Variants in SEMA3C observed in about 807,000 individuals in gnomAD.
SEMA3C encodes the protein semaphorin 3C, also known as semaphorin-3C.
SEMA3C carries 47 observed loss-of-function variants against 89.4 expected under a neutral mutation model. That is an observed-to-expected ratio of 0.53 (90% CI 0.42 to 0.67). The LOEUF is 0.67. SEMA3C is among the 30% of genes least tolerant of loss of function. The pLI is 0.00. For missense variants in SEMA3C, 839 were observed against 929.1 expected (o/e 0.90, Z 1.26); for synonymous variants, 310 against 320.2 (o/e 0.97, Z 0.34).
intron 2 of SEMA3C, among the ~76,000 whole-genome samples, chr7:80,843,605 A>G (rs1341110101): frequency 6.6e-6 from 1 of 152,212 alleles, no homozygotes; most frequent in East Asian, 1.9e-4. Context: ...GGAGCATAAT[A>G]GCTATCACTC....
chr7:80,768,405 G>A lies in SEMA3C; in HGVS notation c.1355-3162C>T, dbSNP rs565287892. Among the ~76,000 whole-genome samples, 37 of 152,020 alleles carry A rather than the reference G, an allele frequency of 2.4e-4. 2 individuals carry two copies. In the South Asian group the frequency reaches 6.2e-3, roughly 26 times the overall value. On this transcript the variant is annotated intron_variant, in intron 12 of 17. Coordinates refer to ENST00000265361, the MANE Select transcript of SEMA3C (RefSeq NM_006379.5). The stretch of plus-strand genomic sequence containing the variant: ...GGCAGGCGCCTGTAGTCCTAGCTAC[G>A]CGGGAGGCTGAGGCAGGAGAATGGT...
At chr7:80,871,811 C>T in intron 2 of SEMA3C, among the ~76,000 whole-genome samples, 1 of 152,094 alleles carries the variant, frequency 6.6e-6, no homozygotes, top group Non-Finnish European at 1.5e-5. Flanking sequence ...AAATTGAGTA[C>T]CTCAAAGAAC....
At chr7:80,896,026 T>G (rs1791727924) in intron 2 of SEMA3C, among the ~76,000 whole-genome samples, 2 of 152,010 alleles carry the variant, frequency 1.3e-5, no homozygotes. Flanking sequence ...GTAATGTGAA[T>G]GAGAGTTGTG....
intron 2 of SEMA3C, among the ~76,000 whole-genome samples, chr7:80,831,159 TACAC>T (rs1213080428): frequency 6.6e-6 from 1 of 152,202 alleles, no homozygotes; most frequent in African/African-American, 2.4e-5. Flanking sequence ...TGGAGTGACA[TACAC>T]AGACTAGCGC....
At chr7:80,757,284 T>C (rs17147989) in intron 15 of SEMA3C, among the ~76,000 whole-genome samples, 42,839 of 152,178 alleles carry the variant, frequency 0.28, 9,483 homozygotes, top group African/African-American at 0.61. Context: ...CATCATGACC[T>C]ATGTCACTGT....
chr7:80,892,719 C>T (rs186352746), intron 2 of SEMA3C, among the ~76,000 whole-genome samples: 158 of 152,202 alleles, frequency 1.0e-3, no homozygotes, highest in African/African-American at 3.5e-3. Context: ...TCTAGAAATT[C>T]AGGCGTAAGT....
intron 2 of SEMA3C, among the ~76,000 whole-genome samples, chr7:80,835,765 A>C (rs1014889494): frequency 2.6e-5 from 4 of 152,164 alleles, no homozygotes; most frequent in African/African-American, 9.7e-5. Context: ...CAAGTGTTCT[A>C]GGTGCTTTAT....
At chr7:80,898,990 G>A (rs1357182350) in intron 2 of SEMA3C, among the ~76,000 whole-genome samples, 1 of 152,114 alleles carries the variant, frequency 6.6e-6, no homozygotes, top group East Asian at 1.9e-4. Context: ...ATGAAGTAAT[G>A]CTATTGTTGA....
At chr7:80,781,381 C>T (rs765745674) in intron 12 of SEMA3C, among the ~76,000 whole-genome samples, 20 of 152,332 alleles carry the variant, frequency 1.3e-4, no homozygotes, top group Admixed American at 6.5e-4. Context: ...GCAACACATA[C>T]GACTCTAATA....
In SEMA3C at chr7:80,828,653, T is replaced by A. The variant is rs1396117084; in HGVS notation, c.196A>T (p.Ile66Leu). Residue 66 changes from isoleucine to leucine, a missense_variant, in exon 3 of 18, where the codon ATA becomes TTA. Ile to Leu is a conservative substitution (Grantham distance 5). Transcript: ENST00000265361. ...ILLMDEDQDRIYVGSKDHILS... is the reference protein window; with the variant it reads ...ILLMDEDQDRLYVGSKDHILS... ...ATGTGATCTTTGCTTCCCACATATA[T>A]CCGGTCCTGATCTTCATCCATTAAT... 1 of 1,612,350 alleles carries A rather than the reference T, an allele frequency of 6.2e-7. No homozygotes were observed. Among genetic ancestry groups the A allele is most frequent in the Non-Finnish European group, 8.5e-7 (1 of 1,178,758 alleles).
At chr7:80,774,577 T>G (rs1326940664) in intron 12 of SEMA3C, among the ~76,000 whole-genome samples, 1 of 151,920 alleles carries the variant, frequency 6.6e-6, no homozygotes. Flanking sequence ...AGAAATAAAA[T>G]ATTAACTCCA....
intron 11 of SEMA3C, among the ~76,000 whole-genome samples, chr7:80,791,981 A>G (rs1788950846): frequency 6.6e-6 from 1 of 152,184 alleles, no homozygotes. Context: ...CAGATCTGAT[A>G]AATATAGTTC....
chr7:80,870,515 T>C (rs1324213114), intron 2 of SEMA3C, among the ~76,000 whole-genome samples: 1 of 152,208 alleles, frequency 6.6e-6, no homozygotes, highest in African/African-American at 2.4e-5. Context: ...ACTAGCCTCC[T>C]ATGCTACCAT....
intron 4 of SEMA3C, among the ~76,000 whole-genome samples, chr7:80,820,366 A>AT (rs975400556): frequency 1.3e-5 from 2 of 151,820 alleles, no homozygotes; most frequent in African/African-American, 4.8e-5. Context: ...GGCCTCTCCT[A>AT]TTTTTTTATA....
chr7:80,761,930 A>T (rs755440295), intron 13 of SEMA3C, among the ~76,000 whole-genome samples: 3 of 151,892 alleles, frequency 2.0e-5, no homozygotes, highest in African/African-American at 2.4e-5. Flanking sequence ...CTCTACTAAA[A>T]ATACAAAAAT....
At chr7:80,898,387 GA>G (rs1293656971) in intron 2 of SEMA3C, among the ~76,000 whole-genome samples, 2 of 149,592 alleles carry the variant, frequency 1.3e-5, no homozygotes, top group African/African-American at 5.0e-5. Flanking sequence ...ACAAACAACA[GA>G]AAAATATAAA....
At chr7:80,808,980 T>G (rs1789405110) in intron 6 of SEMA3C, among the ~76,000 whole-genome samples, 1 of 152,152 alleles carries the variant, frequency 6.6e-6, no homozygotes, top group Non-Finnish European at 1.5e-5. Flanking sequence ...TTTCTCCATG[T>G]TGGTCAGGCT....
rs373114102 is a variant in SEMA3C, at chr7:80,824,996, CACA to C, written c.327+2426_327+2428del. Among the ~76,000 whole-genome samples the C allele has an allele frequency of 2.7e-3, 407 of 152,254 alleles. 1 individual carries two copies. The highest frequency in any genetic ancestry group is 9.3e-3 in the African/African-American group (385 of 41,560). On this transcript the variant is annotated intron_variant, in intron 4 of 17. Transcript: ENST00000265361. ...CCATCTAATTCACCTCCAGTTTCTT[CACA>C]ACAACTAATTTGTGCAAATTGAAAG...
At chr7:80,864,192 T>C (rs1790871511) in intron 2 of SEMA3C, among the ~76,000 whole-genome samples, 1 of 151,760 alleles carries the variant, frequency 6.6e-6, no homozygotes, top group African/African-American at 2.4e-5. Flanking sequence ...AGCTAAGCTA[T>C]GAGGATGCAA....
Sources: allele counts gnomAD v4.1 joint callset (sites outside exome capture counted in the v4.1 genomes callset), GRCh38; gene constraint gnomAD v4.1.1; transcripts MANE v1.5; gene names NCBI Gene and HGNC (gene_info 2026-07-23, HGNC 2026-07-21).